FSTL1: variants seen among roughly 807,000 people sequenced by gnomAD.
FSTL1 encodes follistatin-related protein 1.
Under a neutral mutation model 45.9 loss-of-function variants are expected in FSTL1, and 24 were observed. That is an observed-to-expected ratio of 0.52 (90% CI 0.38 to 0.74). The LOEUF is 0.74. FSTL1 is among the 30% of genes least tolerant of loss of function. FSTL1 has a pLI of 0.00. For synonymous variants in FSTL1, 120 were observed against 137.6 expected, an observed-to-expected ratio of 0.87 and a Z score of 0.89; for missense variants, 340 against 381.8, an observed-to-expected ratio of 0.89 and a Z score of 0.91.
intron 2 of FSTL1, among the ~76,000 whole-genome samples, chr3:120,439,593 T>A (rs569477498): frequency 5.9e-4 from 90 of 152,226 alleles, no homozygotes; most frequent in Middle Eastern, 3.4e-3. Context: ...AGAGATAACG[T>A]TGGGTTTGGG....
At chr3:120,443,610 A>G (rs946635038) in intron 2 of FSTL1, among the ~76,000 whole-genome samples, 2 of 149,120 alleles carry the variant, frequency 1.3e-5, no homozygotes, top group Non-Finnish European at 1.5e-5. Flanking sequence ...ATATCCCATG[A>G]CACACACACA....
chr3:120,428,593 G>A (rs550858655), intron 2 of FSTL1, among the ~76,000 whole-genome samples: 6 of 152,264 alleles, frequency 3.9e-5, no homozygotes, highest in African/African-American at 7.2e-5. Context: ...AATTAGCTGG[G>A]TGTGGTGACT....
At chr3:120,435,679 G>C (rs1428495116) in intron 2 of FSTL1, among the ~76,000 whole-genome samples, 2 of 152,182 alleles carry the variant, frequency 1.3e-5, no homozygotes, top group East Asian at 3.8e-4. Context: ...TTTTCCTGGA[G>C]TCAGAGTCAA....
In FSTL1 at chr3:120,443,534, T is replaced by C. The variant is rs141823067; in HGVS notation, c.63+7150A>G. Among the ~76,000 whole-genome samples the C allele has an allele frequency of 1.7e-3, 254 of 150,006 alleles. 7 individuals carry two copies. Among genetic ancestry groups the C allele is most frequent in the Non-Finnish European group, 2.9e-3 (199 of 68,020 alleles). ...AAATTTTGCCTCAGACATAGGATTTTAAATCTTGAAACAACAAAAAGTATA... is the reference window on the plus strand; with the variant it reads ...AAATTTTGCCTCAGACATAGGATTTCAAATCTTGAAACAACAAAAAGTATA... On this transcript the variant is annotated intron_variant, in intron 2 of 10. Transcript: ENST00000295633.
At chr3:120,416,864 G>A (rs1937195583) in intron 2 of FSTL1, among the ~76,000 whole-genome samples, 1 of 152,234 alleles carries the variant, frequency 6.6e-6, no homozygotes, top group Non-Finnish European at 1.5e-5. Context: ...AATGGTCTCA[G>A]TGTATGCCAC....
chr3:120,403,096 T>C (rs1463960612), intron 8 of FSTL1, 146 bp downstream of exon 8: 4 of 697,898 alleles, frequency 5.7e-6, no homozygotes, highest in Non-Finnish European at 1.0e-5. Context: ...AACTTCACCA[T>C]GGGGAGAATG....
intron 7 of FSTL1, among the ~76,000 whole-genome samples, chr3:120,403,766 T>C (rs916038322): frequency 2.7e-5 from 4 of 150,738 alleles, no homozygotes; most frequent in African/African-American, 4.9e-5. Flanking sequence ...AATATAGGAT[T>C]TGAAAGAATA....
intron 2 of FSTL1, among the ~76,000 whole-genome samples, chr3:120,450,308 G>C (rs1309092309): frequency 1.3e-5 from 2 of 152,060 alleles, no homozygotes; most frequent in Admixed American, 6.5e-5. Flanking sequence ...AGACAGACTT[G>C]GGAGGGAAAA....
intron 2 of FSTL1, chr3:120,423,778 G>A (rs896556234): frequency 1.3e-5 from 2 of 152,186 alleles, no homozygotes; most frequent in Admixed American, 6.5e-5. Context: ...ATTCTTAGGA[G>A]TTCCCAAGAT....
At position 120,444,357 on chromosome 3, in the gene FSTL1, T is replaced by C. The variant is rs541334780; in HGVS notation, c.63+6327A>G. On this transcript the variant is annotated intron_variant, in intron 2 of 10. Transcript: ENST00000295633. ...TCTGATTGCTAGTGGCTACCTAGAA[T>C]ATTGCTGAGTAGGATTTTCAAACCT... Among the ~76,000 whole-genome samples the C allele has an allele frequency of 4.0e-5, 6 of 149,932 alleles. No homozygotes were observed. In the South Asian group the frequency reaches 1.2e-3, roughly 31 times the overall value.
rs114971438 is a variant in FSTL1, at chr3:120,410,648, G to A, written c.331+304C>T. 8.9e-4 allele frequency: 444 copies of A among 499,964 alleles called. 1 individual carries two copies. The highest frequency in any genetic ancestry group is 1.5e-3 in the Non-Finnish European group (377 of 256,288). 31.0% of individuals were successfully genotyped at this position (499,964 alleles called of 1,614,324 possible). ...TTTGCTGGTCCCATGACACGAGCAT[G>A]TCTTATAGGATGTTGAAAAATGAAC... is the stretch of plus-strand genomic sequence containing the variant. On this transcript the variant is annotated intron_variant, in intron 5 of 10. Transcript: ENST00000295633.
chr3:120,432,783 C>A (rs1937501887), intron 2 of FSTL1, among the ~76,000 whole-genome samples: 1 of 152,162 alleles, frequency 6.6e-6, no homozygotes, highest in African/African-American at 2.4e-5. Flanking sequence ...TATGGTAAGT[C>A]CGGGAACTCT....
At chr3:120,400,098 T>A in intron 9 of FSTL1, 139 bp from the exon 10 acceptor site, 1 of 665,684 alleles carries the variant, frequency 1.5e-6, no homozygotes, top group Non-Finnish European at 2.7e-6. Context: ...ATTTTCTGAG[T>A]ATGAAGGCAT....
At chr3:120,442,599 G>A (rs1937645488) in intron 2 of FSTL1, among the ~76,000 whole-genome samples, 2 of 151,874 alleles carry the variant, frequency 1.3e-5, no homozygotes, top group African/African-American at 4.8e-5. Flanking sequence ...GGCCAACTAG[G>A]TGAAACCCCA....
rs1460842297 is a variant in FSTL1 at position 120,394,073 on chromosome 3, C to T, written c.*2879G>A. The T allele has an allele frequency of 2.0e-5, 3 of 152,202 alleles. No individual in the cohort carries two copies. In the East Asian group the frequency reaches 5.8e-4, roughly 29 times the overall value. 9.4% of individuals were successfully genotyped at this position (152,202 alleles called of 1,614,324 possible). On this transcript the variant is annotated 3_prime_UTR_variant, in exon 11 of 11. Transcript: ENST00000295633. ...CTTTCTGACTTGTCATCACCTTCTA[C>T]TCCAGACCCACTATCCATGATCCTT...
intron 2 of FSTL1, among the ~76,000 whole-genome samples, chr3:120,421,794 C>A (rs940575115): frequency 1.2e-4 from 19 of 152,266 alleles, no homozygotes; most frequent in African/African-American, 4.6e-4. Context: ...TATGTGCTCA[C>A]AATCAGTCCC....
At chr3:120,427,110 C>T (rs1028561731) in intron 2 of FSTL1, among the ~76,000 whole-genome samples, 20 of 152,150 alleles carry the variant, frequency 1.3e-4, no homozygotes, top group Admixed American at 1.2e-3. Flanking sequence ...TCCCACAAGA[C>T]CACCTAAAAA....
chr3:120,395,261 A>G lies in FSTL1; in HGVS notation c.*1691T>C. 1 of 174,110 alleles carries G rather than the reference A, an allele frequency of 5.7e-6. No homozygotes were observed. Among genetic ancestry groups the G allele is most frequent in the Non-Finnish European group, 1.2e-5 (1 of 83,380 alleles). The allele number at this position is 174,110 out of a possible 1,614,324, so 10.8% of individuals were successfully genotyped here. On this transcript the variant is annotated 3_prime_UTR_variant, in exon 11 of 11. Coordinates refer to ENST00000295633, the MANE Select transcript of FSTL1 (RefSeq NM_007085.5). ...GATGGTCTTTAATCTGCTTTCTGCA[A>G]ATGAGATCTTATGTCAAGGATTTAA...
chr3:120,411,827 C>A (rs1210532090), intron 4 of FSTL1, 27 bp downstream of exon 4: 3 of 1,603,676 alleles, frequency 1.9e-6, no homozygotes, highest in Admixed American at 1.7e-5. Context: ...GCTAAAGCTG[C>A]CTTGCAGTGG....
Sources: allele counts gnomAD v4.1 joint callset (sites outside exome capture counted in the v4.1 genomes callset), GRCh38; gene constraint gnomAD v4.1.1; transcripts MANE v1.5; gene names NCBI Gene and HGNC (gene_info 2026-07-23, HGNC 2026-07-21).